CFAP100: variants seen among roughly 807,000 people sequenced by gnomAD.
CFAP100 encodes cilia and flagella associated protein 100.
In CFAP100, 70 loss-of-function variants were observed where a neutral mutation model predicts 81.5. The observed-to-expected ratio is 0.86, with a 90% confidence interval of 0.71 to 1.05. The LOEUF (loss-of-function observed/expected upper bound fraction) is 1.05, where lower values mean the gene tolerates loss of function less well. Among genes scored for constraint, CFAP100 ranks in the 50% least tolerant of loss-of-function variants. The probability of loss-of-function intolerance (pLI) is 0.00; values close to 1 mark genes in which losing one functional copy is unlikely to be tolerated. For synonymous variants in CFAP100, 341 were observed against 314.8 expected, an observed-to-expected ratio of 1.08 and a Z score of -0.88; for missense variants, 811 against 776.5, an observed-to-expected ratio of 1.04 and a Z score of -0.53.
chr3:126,413,297 C>A (rs1437321115), intron 3 of CFAP100, among the ~76,000 whole-genome samples: 2 of 152,250 alleles, frequency 1.3e-5, no homozygotes, highest in African/African-American at 4.8e-5. Flanking sequence ...CCCCATCCCA[C>A]CTGCCTGCCC....
chr3:126,418,226 A>G (rs2083272535), intron 5 of CFAP100: 1 of 554,706 alleles, frequency 1.8e-6, no homozygotes. Context: ...CACAGTAAGG[A>G]CTTCCCACGC....
chr3:126,430,977 T>G (rs1933198233), intron 13 of CFAP100, among the ~76,000 whole-genome samples: 1 of 152,178 alleles, frequency 6.6e-6, no homozygotes, highest in African/African-American at 2.4e-5. Flanking sequence ...TTCCCTGATT[T>G]TTCATGATCC....
chr3:126,410,488 T>C (rs1283172532), intron 3 of CFAP100, among the ~76,000 whole-genome samples: 9 of 152,144 alleles, frequency 5.9e-5, no homozygotes, highest in Admixed American at 5.9e-4. Flanking sequence ...GTGATCCTTA[T>C]ACCTTTTCTG....
chr3:126,405,779 A>T (rs1237608844), intron 2 of CFAP100, among the ~76,000 whole-genome samples: 1 of 152,084 alleles, frequency 6.6e-6, no homozygotes, highest in Non-Finnish European at 1.5e-5. Context: ...ATGTATGTGC[A>T]TTGCTCTTTC....
intron 15 of CFAP100, 149 bp from the exon 16 acceptor site, chr3:126,435,410 G>C: frequency 1.7e-6 from 1 of 589,372 alleles, no homozygotes; most frequent in South Asian, 2.5e-5. Context: ...GCTGTGGATA[G>C]GTATTGAGAA....
intron 2 of CFAP100, among the ~76,000 whole-genome samples, chr3:126,396,873 T>C (rs547968720): frequency 1.3e-5 from 2 of 152,326 alleles, no homozygotes; most frequent in African/African-American, 4.8e-5. Flanking sequence ...TTTATTGGAA[T>C]TTAATTTGGT....
At chr3:126,404,123 CA>C (rs1287331729) in intron 2 of CFAP100, among the ~76,000 whole-genome samples, 2 of 152,298 alleles carry the variant, frequency 1.3e-5, no homozygotes, top group East Asian at 1.9e-4. Context: ...AATTAACATC[CA>C]AAAAGACACA....
In CFAP100 at chr3:126,434,254, C is replaced by G. The variant is rs529990241; in HGVS notation, c.1501C>G (p.Leu501Val). 4 of 1,614,032 alleles carry G rather than the reference C, an allele frequency of 2.5e-6. No homozygotes were observed. The African/African-American group carries it at 4.0e-5, about 16-fold the overall frequency. ...HCTGTQQEAN[L>V]GTVQMLTIIE... is the part of the protein sequence containing the mutation. Reference sequence around the variant, plus strand: ...CACCGGCACCCAGCAGGAGGCCAACCTGGGCACCGTGCAGATGCTGACCAT... The same window carrying G: ...CACCGGCACCCAGCAGGAGGCCAACGTGGGCACCGTGCAGATGCTGACCAT... Residue 501 changes from leucine to valine, a missense_variant, in exon 15 of 17, where the codon CTG becomes GTG. Physicochemically the swap from Leu to Val is conservative, Grantham distance 32. Coordinates refer to ENST00000352312, the MANE Select transcript of CFAP100 (RefSeq NM_182628.3).
At chr3:126,430,054 T>A (rs1933150046) in intron 13 of CFAP100, among the ~76,000 whole-genome samples, 1 of 152,216 alleles carries the variant, frequency 6.6e-6, no homozygotes, top group South Asian at 2.1e-4. Flanking sequence ...TTGTTGTACA[T>A]GATAAGTCAC....
rs1232310043 is a variant in CFAP100, at chr3:126,420,177, A to C, written c.1030A>C (p.Ser344Arg). 6.2e-7 allele frequency: 1 copy of C among 1,612,816 alleles called. No homozygotes were observed. Among genetic ancestry groups the C allele is most frequent in the Admixed American group, 1.7e-5 (1 of 60,030 alleles). ...RLGRSPSYLS[S>R]PQQGSQPSES... ...GGGGCGGAGCCCGTCTTACCTGAGC[A>C]GCCCCCAGCAAGGCAGCCAGCCCAG... Residue 344 changes from serine to arginine, a missense_variant, in exon 11 of 17, where the codon AGC becomes CGC. Coordinates refer to ENST00000352312, the MANE Select transcript of CFAP100 (RefSeq NM_182628.3).
intron 13 of CFAP100, among the ~76,000 whole-genome samples, chr3:126,424,352 T>C (rs1204815772): frequency 6.6e-6 from 1 of 152,244 alleles, no homozygotes; most frequent in Non-Finnish European, 1.5e-5. Flanking sequence ...TTGTCCAGCA[T>C]GGCAAAGTGG....
rs2083368554 is a variant in CFAP100, at chr3:126,423,638, T to A, written c.1280T>A (p.Ile427Asn). 6.2e-7 allele frequency: 1 copy of A among 1,614,020 alleles called. No individual in the cohort carries two copies. The highest frequency in any genetic ancestry group is 1.3e-5 in the African/African-American group (1 of 74,922). Reference sequence around the variant, plus strand: ...AGCCACACCCTGAAACACACCCAGATCCGCATGTAGGTGCTATGCGGTGGC... The same window carrying A: ...AGCCACACCCTGAAACACACCCAGAACCGCATGTAGGTGCTATGCGGTGGC... ...ELSHTLKHTQ[I>N]RMDREVNQLK... Residue 427 changes from isoleucine to asparagine, a missense_variant, in exon 13 of 17, where the codon ATC (isoleucine) becomes AAC (asparagine). Physicochemically the swap from Ile to Asn is moderately radical, Grantham distance 149. Transcript: ENST00000352312.
intron 3 of CFAP100, 47 bp downstream of exon 3, chr3:126,407,299 C>A: frequency 7.9e-7 from 1 of 1,269,380 alleles, no homozygotes; most frequent in South Asian, 1.2e-5. Context: ...CAGGAGGCAA[C>A]TCCTCTCCCT....
chr3:126,406,747 G>C (rs1473870345), intron 2 of CFAP100, among the ~76,000 whole-genome samples: 2 of 152,220 alleles, frequency 1.3e-5, no homozygotes, highest in Admixed American at 6.5e-5. Flanking sequence ...GCTCCCTGAG[G>C]AGGTGGGGTC....
At position 126,416,526 on chromosome 3, in the gene CFAP100, C is replaced by A; in HGVS notation, c.418+18C>A. 1.3e-6 allele frequency: 2 copies of A among 1,535,194 alleles called. No homozygotes were observed. Among genetic ancestry groups the A allele is most frequent in the South Asian group, 1.2e-5 (1 of 82,122 alleles). ...GACCAAAGGTGCGTCCCCTCCGGCG[C>A]GGGGGGACCTGGGCCAGTGGCGTCC... On this transcript the variant is annotated intron_variant, in intron 5 of 16. Coordinates refer to ENST00000352312, the MANE Select transcript of CFAP100 (RefSeq NM_182628.3).
chr3:126,420,065 T>C, intron 10 of CFAP100, 38 bp from the exon 11 acceptor site: 2 of 1,613,270 alleles, frequency 1.2e-6, no homozygotes, highest in South Asian at 1.1e-5. Context: ...GGCTCTGCCC[T>C]GCACAGGGCT....
intron 8 of CFAP100, 139 bp downstream of exon 8, chr3:126,419,295 C>T: frequency 1.6e-6 from 1 of 633,010 alleles, no homozygotes; most frequent in South Asian, 2.0e-5. Flanking sequence ...GAGGCTGTTG[C>T]CCATTTATAG....
intron 4 of CFAP100, among the ~76,000 whole-genome samples, chr3:126,414,811 G>A (rs1456612960): frequency 1.3e-5 from 2 of 152,148 alleles, no homozygotes; most frequent in Non-Finnish European, 2.9e-5. Context: ...CCTGCCCCAC[G>A]TGCCAGGCAT....
At position 126,423,313 on chromosome 3, in the gene CFAP100, A is replaced by G. The variant is rs768822707; in HGVS notation, c.1083-12A>G. On this transcript the variant is annotated splice_polypyrimidine_tract_variant and intron_variant, in intron 11 of 16. Coordinates refer to ENST00000352312, the MANE Select transcript of CFAP100 (RefSeq NM_182628.3). ...CTGGTCCCAGAGTCCCGACCCTGCC[A>G]TCTCTTCGCAGGTCGAACTCTCCCA... The G allele has an allele frequency of 1.2e-6, 2 of 1,611,350 alleles. No individual in the cohort carries two copies. The highest frequency in any genetic ancestry group is 2.7e-5 in the African/African-American group (2 of 74,950).
Sources: allele counts gnomAD v4.1 joint callset (sites outside exome capture counted in the v4.1 genomes callset), GRCh38; gene constraint gnomAD v4.1.1; transcripts MANE v1.5; gene names NCBI Gene and HGNC (gene_info 2026-07-23, HGNC 2026-07-21).